SBF2: variants seen among roughly 807,000 people sequenced by gnomAD.
SBF2 encodes myotubularin-related protein 13.
A neutral mutation model predicts 225.2 loss-of-function variants in SBF2; 112 were observed. The observed-to-expected ratio is 0.50, with a 90% CI of 0.43 to 0.58. The LOEUF (loss-of-function observed/expected upper bound fraction) is 0.58. SBF2 is among the 20% of genes least tolerant of loss of function. The probability of loss-of-function intolerance (pLI) is 0.00; values close to 1 mark genes in which losing one functional copy is unlikely to be tolerated. For missense variants in SBF2, 1,996 were observed against 2,206.2 expected, an observed-to-expected ratio of 0.90 and a Z score of 1.91; for synonymous variants, 763 against 773.3, an observed-to-expected ratio of 0.99 and a Z score of 0.22.
intron 1 of SBF2, among the ~76,000 whole-genome samples, chr11:10,203,950 T>C (rs73415089): frequency 0.031 from 4,727 of 152,046 alleles, 263 homozygotes; most frequent in African/African-American, 0.11. Context: ...AATGGAGATA[T>C]ATCTGAAGTA....
At position 10,020,034 on chromosome 11, in the gene SBF2, T is replaced by C. The variant is rs548703290; in HGVS notation, c.619+8418A>G. 2.6e-5 allele frequency among the ~76,000 whole-genome samples: 4 copies of C among 152,258 alleles called. No individual in the cohort carries two copies. In the South Asian group the frequency reaches 8.3e-4, roughly 32 times the overall value. On this transcript the variant is annotated intron_variant, in intron 6 of 39. Transcript: ENST00000256190. Reference sequence around the variant, plus strand: ...GCAGAGCAGGAGAACCTCCTTCCCCTGCCCAACCCCAACCAGGAATGTCAG... The same window carrying C: ...GCAGAGCAGGAGAACCTCCTTCCCCCGCCCAACCCCAACCAGGAATGTCAG...
At chr11:9,812,420 A>G in intron 30 of SBF2, 112 bp downstream of exon 30, 1 of 1,102,904 alleles carries the variant, frequency 9.1e-7, no homozygotes, top group Non-Finnish European at 1.3e-6. Context: ...GAAGGAGGAG[A>G]ATGTTGGGGA....
chr11:10,279,972 T>C (rs1963288870), intron 1 of SBF2, among the ~76,000 whole-genome samples: 1 of 152,202 alleles, frequency 6.6e-6, no homozygotes, highest in Non-Finnish European at 1.5e-5. Flanking sequence ...TTAATGTGCA[T>C]CATTATAGAA....
intron 2 of SBF2, among the ~76,000 whole-genome samples, chr11:10,051,703 A>G (rs955869181): frequency 6.6e-6 from 1 of 152,138 alleles, no homozygotes; most frequent in Non-Finnish European, 1.5e-5. Flanking sequence ...TCTCAAATAA[A>G]ATACAGTAAC....
chr11:10,156,318 G>A (rs1308956147), intron 2 of SBF2, among the ~76,000 whole-genome samples: 13 of 152,220 alleles, frequency 8.5e-5, no homozygotes, highest in Admixed American at 8.5e-4. Flanking sequence ...GGTGGCCTGG[G>A]GTGAAGACAG....
Position 9,829,503 on chromosome 11 carries a change from A to G in SBF2, c.3653-7T>C, listed in dbSNP as rs1162164888. The G allele has an allele frequency of 6.3e-7, 1 of 1,596,938 alleles. No homozygotes were observed. Among genetic ancestry groups the G allele is most frequent in the East Asian group, 2.2e-5 (1 of 44,778 alleles). On this transcript the variant is annotated splice_polypyrimidine_tract_variant and splice_region_variant and intron_variant, in intron 27 of 39. Coordinates refer to ENST00000256190, the MANE Select transcript of SBF2 (RefSeq NM_030962.4). ...TCTAAAGAGGAGGTAGGAGCTATAA[A>G]AGGAAAATATATTGAATAAAATAAA...
intron 16 of SBF2, among the ~76,000 whole-genome samples, chr11:9,933,143 A>G (rs1864624180): frequency 6.6e-6 from 1 of 152,170 alleles, no homozygotes; most frequent in South Asian, 2.1e-4. Context: ...ATACAGGAGC[A>G]CCCAGATTCA....
intron 1 of SBF2, among the ~76,000 whole-genome samples, chr11:10,264,995 G>A (rs528171619): frequency 6.6e-6 from 1 of 152,184 alleles, no homozygotes; most frequent in South Asian, 2.1e-4. Context: ...TGGACATCTG[G>A]GTGGGTTCCA....
intron 2 of SBF2, among the ~76,000 whole-genome samples, chr11:10,173,328 C>T (rs1353393107): frequency 6.6e-6 from 1 of 152,196 alleles, no homozygotes; most frequent in Admixed American, 6.5e-5. Flanking sequence ...CGAAGCAGGG[C>T]AAGGCATTGC....
chr11:9,944,571 A>G (rs567261067), intron 16 of SBF2, among the ~76,000 whole-genome samples: 4 of 152,228 alleles, frequency 2.6e-5, no homozygotes, highest in Non-Finnish European at 5.9e-5. Context: ...TTCACAAAAG[A>G]GTGAAATACC....
intron 1 of SBF2, among the ~76,000 whole-genome samples, chr11:10,260,101 T>C (rs1373268719): frequency 6.6e-6 from 1 of 152,186 alleles, no homozygotes; most frequent in Non-Finnish European, 1.5e-5. Context: ...GACAGCAAAA[T>C]AGTTATTCAG....
intron 2 of SBF2, among the ~76,000 whole-genome samples, chr11:10,061,401 T>G (rs1950439820): frequency 6.6e-6 from 1 of 152,144 alleles, no homozygotes; most frequent in South Asian, 2.1e-4. Flanking sequence ...GAAGTCAAAC[T>G]ATATCTGTTT....
At chr11:9,919,571 G>A (rs1863426885) in intron 16 of SBF2, among the ~76,000 whole-genome samples, 1 of 152,022 alleles carries the variant, frequency 6.6e-6, no homozygotes, top group African/African-American at 2.4e-5. Context: ...CGGTAATTAG[G>A]TCGTAACAAA....
intron 1 of SBF2, among the ~76,000 whole-genome samples, chr11:10,194,314 A>G (rs1471057149): frequency 2.6e-5 from 4 of 152,216 alleles, no homozygotes; most frequent in Non-Finnish European, 5.9e-5. Flanking sequence ...TACCATTTTC[A>G]TTGTATTAGG....
chr11:9,938,099 G>A (rs1322106947), intron 16 of SBF2, among the ~76,000 whole-genome samples: 1 of 151,960 alleles, frequency 6.6e-6, no homozygotes, highest in Non-Finnish European at 1.5e-5. Context: ...AGACCATCCT[G>A]GTTAACACAG....
At chr11:9,949,275 CATTTTCTAGGT>C (rs1258438343) in intron 16 of SBF2, among the ~76,000 whole-genome samples, 45 of 152,104 alleles carry the variant, frequency 3.0e-4, no homozygotes, top group African/African-American at 1.1e-3. Flanking sequence ...TGTTCTCATA[CATTTTCTAGGT>C]AGAGGATCAG....
chr11:9,810,251 G>A (rs1854106222), intron 30 of SBF2: 1 of 152,224 alleles, frequency 6.6e-6, no homozygotes, highest in African/African-American at 2.4e-5. Context: ...ACTCTAGCCT[G>A]GGTGACAGAG....
chr11:10,180,734 G>A lies in SBF2; in HGVS notation c.141+13168C>T, dbSNP rs142031190. ...TTTGCCCCATTGGGGCTATTTTCTA[G>A]ATCTTGTAGGTATGCTTCATTCTTT... On this transcript the variant is annotated intron_variant, in intron 2 of 39. Transcript: ENST00000256190. 3.3e-5 allele frequency among the ~76,000 whole-genome samples: 5 copies of A among 152,190 alleles called. No homozygotes were observed. The East Asian group carries it at 7.7e-4, about 23-fold the overall frequency.
At chr11:10,062,370 C>T (rs1329494363) in intron 2 of SBF2, among the ~76,000 whole-genome samples, 1 of 152,118 alleles carries the variant, frequency 6.6e-6, no homozygotes, top group Non-Finnish European at 1.5e-5. Context: ...AACTTCCGCA[C>T]AGCAAAAGAA....
Sources: allele counts gnomAD v4.1 joint callset (sites outside exome capture counted in the v4.1 genomes callset), GRCh38; gene constraint gnomAD v4.1.1; transcripts MANE v1.5; gene names NCBI Gene and HGNC (gene_info 2026-07-23, HGNC 2026-07-21).